WWOX: variants seen among roughly 807,000 people sequenced by gnomAD.
WWOX encodes WW domain-containing oxidoreductase.
WWOX carries 69 observed loss-of-function variants against 46.2 expected under a neutral mutation model. The ratio of observed to expected loss-of-function variants is 1.49; its 90% CI spans 1.23 to 1.82. The LOEUF (loss-of-function observed/expected upper bound fraction) is 1.82. WWOX is among the 40% of genes most tolerant of loss of function. The probability of loss-of-function intolerance (pLI) is 0.00; values close to 1 mark genes in which losing one functional copy is unlikely to be tolerated. For missense variants in WWOX, 919 were observed against 542.6 expected, an observed-to-expected ratio of 1.69 and a Z score of -6.89; for synonymous variants, 359 against 202.6, an observed-to-expected ratio of 1.77 and a Z score of -6.56.
intron 8 of WWOX, among the ~76,000 whole-genome samples, chr16:78,782,010 G>T (rs1010243847): frequency 6.6e-6 from 1 of 152,168 alleles, no homozygotes; most frequent in Non-Finnish European, 1.5e-5. Context: ...TCCAAAACCT[G>T]CCCTTTTAAC....
intron 8 of WWOX, among the ~76,000 whole-genome samples, chr16:78,706,614 G>T (rs770177634): frequency 6.6e-6 from 1 of 152,162 alleles, no homozygotes; most frequent in Non-Finnish European, 1.5e-5. Flanking sequence ...TTGGTCCCAA[G>T]AAAATAGTTT....
intron 8 of WWOX, among the ~76,000 whole-genome samples, chr16:78,948,366 G>C (rs1365765502): frequency 6.6e-6 from 1 of 152,112 alleles, no homozygotes; most frequent in Non-Finnish European, 1.5e-5. Flanking sequence ...ATGTTGCATA[G>C]AGCACTCACA....
chr16:78,883,341 C>T (rs184280019), intron 8 of WWOX, among the ~76,000 whole-genome samples: 2 of 152,112 alleles, frequency 1.3e-5, no homozygotes, highest in East Asian at 1.9e-4. Flanking sequence ...CTGGATTAGA[C>T]CCTGAATCAG....
intron 8 of WWOX, among the ~76,000 whole-genome samples, chr16:78,626,391 T>C (rs1035761686): frequency 6.6e-6 from 1 of 152,218 alleles, no homozygotes; most frequent in African/African-American, 2.4e-5. Flanking sequence ...GTGATGACCT[T>C]GACAGCTTTG....
chr16:78,806,896 G>A (rs746091269), intron 8 of WWOX, among the ~76,000 whole-genome samples: 1 of 152,098 alleles, frequency 6.6e-6, no homozygotes, highest in Non-Finnish European at 1.5e-5. Flanking sequence ...TGGGATATTG[G>A]GAAAAGAATG....
intron 5 of WWOX, among the ~76,000 whole-genome samples, chr16:78,181,669 A>G (rs1394772857): frequency 3.3e-5 from 5 of 152,008 alleles, no homozygotes; most frequent in Non-Finnish European, 7.4e-5. Flanking sequence ...ACCAGATAAT[A>G]TTTTTTTCTT....
chr16:79,198,319 G>C (rs1454933189), intron 8 of WWOX, among the ~76,000 whole-genome samples: 2 of 152,150 alleles, frequency 1.3e-5, no homozygotes, highest in African/African-American at 4.8e-5. Flanking sequence ...GCCTGAGTGA[G>C]AGACAGACTG....
chr16:78,825,874 T>A, intron 8 of WWOX: 1 of 667,360 alleles, frequency 1.5e-6, no homozygotes, highest in Non-Finnish European at 2.7e-6. Flanking sequence ...AGACTGGCCC[T>A]AAGAAGCCTC....
chr16:79,168,112 T>G (rs1167011341), intron 8 of WWOX, among the ~76,000 whole-genome samples: 1 of 152,248 alleles, frequency 6.6e-6, no homozygotes, highest in South Asian at 2.1e-4. Flanking sequence ...ATACCACATC[T>G]TGTTTATCTG....
At chr16:79,168,111 C>A (rs2050630261) in intron 8 of WWOX, among the ~76,000 whole-genome samples, 1 of 152,162 alleles carries the variant, frequency 6.6e-6, no homozygotes, top group Non-Finnish European at 1.5e-5. Flanking sequence ...TATACCACAT[C>A]TTGTTTATCT....
At chr16:78,179,582 G>A (rs976331170) in intron 5 of WWOX, 6 of 152,138 alleles carry the variant, frequency 3.9e-5, no homozygotes, top group African/African-American at 1.4e-4. Context: ...TGATGATGAT[G>A]ATAATAATAA....
At chr16:78,527,848 G>A (rs2043514605) in intron 8 of WWOX, among the ~76,000 whole-genome samples, 1 of 151,772 alleles carries the variant, frequency 6.6e-6, no homozygotes, top group Admixed American at 6.6e-5. Context: ...GGCATCTAGT[G>A]GGCAAAGGCC....
chr16:79,035,064 C>T (rs2047839261), intron 8 of WWOX, among the ~76,000 whole-genome samples: 1 of 152,190 alleles, frequency 6.6e-6, no homozygotes, highest in African/African-American at 2.4e-5. Flanking sequence ...ACATTGTACT[C>T]TAATATCCAG....
chr16:78,499,807 C>A (rs186775446), intron 8 of WWOX, among the ~76,000 whole-genome samples: 2 of 152,324 alleles, frequency 1.3e-5, no homozygotes, highest in Admixed American at 1.3e-4. Context: ...GGCCAAGGCA[C>A]TGGAAGTCCC....
At chr16:79,058,117 AAAACAAACAAAC>A (rs1310052366) in intron 8 of WWOX, among the ~76,000 whole-genome samples, 2,439 of 88,314 alleles carry the variant, frequency 0.028, 83 homozygotes, top group African/African-American at 0.14. Context: ...AAAAAAAAAA[AAAACAAACAAAC>A]AAAAAAAAAA....
intron 8 of WWOX, among the ~76,000 whole-genome samples, chr16:78,972,953 G>A (rs2046500891): frequency 6.6e-6 from 1 of 152,160 alleles, no homozygotes; most frequent in Non-Finnish European, 1.5e-5. Context: ...AAAAACTGCA[G>A]GTAAGGCAAG....
At chr16:79,190,892 A>G (rs2051122537) in intron 8 of WWOX, among the ~76,000 whole-genome samples, 3 of 152,214 alleles carry the variant, frequency 2.0e-5, no homozygotes, top group Non-Finnish European at 4.4e-5. Flanking sequence ...AGGACTCTTG[A>G]GTTAGACAGC....
At chr16:78,307,998 A>T (rs1240455295) in intron 5 of WWOX, among the ~76,000 whole-genome samples, 1 of 152,218 alleles carries the variant, frequency 6.6e-6, no homozygotes, top group Non-Finnish European at 1.5e-5. Flanking sequence ...CAGCTGATGG[A>T]GGAAGGGGGC....
chr16:78,268,421 C>T (rs2079410779), intron 5 of WWOX, among the ~76,000 whole-genome samples: 2 of 152,132 alleles, frequency 1.3e-5, no homozygotes, highest in African/African-American at 4.8e-5. Flanking sequence ...TCCTGGTGTG[C>T]ACAGGAAAAG....
Sources: allele counts gnomAD v4.1 joint callset (sites outside exome capture counted in the v4.1 genomes callset), GRCh38; gene constraint gnomAD v4.1.1; transcripts MANE v1.5; gene names NCBI Gene and HGNC (gene_info 2026-07-23, HGNC 2026-07-21).